The following RUFY3 variants were observed in gnomAD, a reference collection of about 807,000 sequenced individuals.
The protein encoded by RUFY3 is protein RUFY3.
RUFY3 carries 34 observed loss-of-function variants against 84.0 expected under a neutral mutation model. The observed-to-expected ratio is 0.40, with a 90% confidence interval of 0.31 to 0.54. RUFY3 has a LOEUF of 0.54. Ranked by LOEUF, RUFY3 falls within the 20% of genes least tolerant of loss-of-function variation. The pLI is 0.39. For missense variants in RUFY3, 507 were observed against 736.8 expected, an observed-to-expected ratio of 0.69 and a Z score of 3.61; for synonymous variants, 242 against 252.9, an observed-to-expected ratio of 0.96 and a Z score of 0.41.
At chr4:70,735,047 T>A (rs1164986259) in intron 1 of RUFY3, among the ~76,000 whole-genome samples, 1 of 152,220 alleles carries the variant, frequency 6.6e-6, no homozygotes, top group Non-Finnish European at 1.5e-5. Context: ...AGAAATGCTG[T>A]GCCAGAGAAG....
intron 1 of RUFY3, among the ~76,000 whole-genome samples, chr4:70,711,936 A>G (rs749511606): frequency 5.3e-5 from 8 of 152,132 alleles, no homozygotes; most frequent in Non-Finnish European, 1.0e-4. Flanking sequence ...TTTTTGTTGC[A>G]CCTATTCTTC....
intron 1 of RUFY3, among the ~76,000 whole-genome samples, chr4:70,732,224 G>A (rs1719388155): frequency 6.6e-6 from 1 of 152,166 alleles, no homozygotes; most frequent in Admixed American, 6.5e-5. Context: ...GTTTGAATAT[G>A]CTAGAAATCA....
At chr4:70,773,917 G>A (rs1439427528) in intron 6 of RUFY3, among the ~76,000 whole-genome samples, 1 of 152,100 alleles carries the variant, frequency 6.6e-6, no homozygotes, top group African/African-American at 2.4e-5. Context: ...CTTAAAATTG[G>A]CAATATGAAA....
chr4:70,794,731 C>A, intron 13 of RUFY3, 64 bp from the exon 14 acceptor site: 1 of 1,069,562 alleles, frequency 9.3e-7, no homozygotes, highest in Non-Finnish European at 1.4e-6. Context: ...GGTTGGCATT[C>A]TTTAGAGAAT....
intron 1 of RUFY3, among the ~76,000 whole-genome samples, chr4:70,729,708 A>T (rs2148608495): frequency 6.6e-6 from 1 of 152,326 alleles, no homozygotes; most frequent in South Asian, 2.1e-4. Context: ...CAGCAGTTTA[A>T]GCCGGATTCT....
chr4:70,705,980 G>C (rs1740295333), intron 1 of RUFY3, among the ~76,000 whole-genome samples: 1 of 152,192 alleles, frequency 6.6e-6, no homozygotes, highest in African/African-American at 2.4e-5. Context: ...CGGTTGTCGG[G>C]AAGAGGCCTC....
intron 9 of RUFY3, among the ~76,000 whole-genome samples, chr4:70,784,542 T>A (rs911623131): frequency 1.3e-5 from 2 of 152,162 alleles, no homozygotes; most frequent in Non-Finnish European, 2.9e-5. Context: ...TGCTATGTTA[T>A]TTTTAGAGGC....
intron 1 of RUFY3, among the ~76,000 whole-genome samples, chr4:70,739,990 CAAAAA>C (rs551882326): frequency 2.1e-5 from 1 of 47,692 alleles, no homozygotes; most frequent in Admixed American, 2.2e-4. Context: ...AACTCCGTCT[CAAAAA>C]AAAAAAAAAA....
At chr4:70,794,583 A>G (rs1260340569) in intron 13 of RUFY3, 1 of 518,376 alleles carries the variant, frequency 1.9e-6, no homozygotes, top group Non-Finnish European at 3.3e-6. Context: ...CCATCTCAAA[A>G]AAAGGTAGAG....
intron 8 of RUFY3, among the ~76,000 whole-genome samples, chr4:70,781,930 T>C (rs1042184208): frequency 8.5e-5 from 13 of 152,206 alleles, no homozygotes; most frequent in African/African-American, 2.7e-4. Context: ...CCTTACTTTT[T>C]CCTTCTAAGA....
At chr4:70,743,144 C>T (rs112819208) in intron 1 of RUFY3, among the ~76,000 whole-genome samples, 4,153 of 152,228 alleles carry the variant, frequency 0.027, 158 homozygotes, top group African/African-American at 0.081. Flanking sequence ...TCTCATCTCA[C>T]TGCAACTTCT....
intron 14 of RUFY3, among the ~76,000 whole-genome samples, chr4:70,797,036 G>A (rs1440215398): frequency 6.6e-6 from 1 of 151,464 alleles, no homozygotes; most frequent in Non-Finnish European, 1.5e-5. Context: ...GATTTCCCAG[G>A]CTCAGGTGAT....
chr4:70,787,288 T>C (rs1730062310), intron 10 of RUFY3, among the ~76,000 whole-genome samples: 1 of 146,808 alleles, frequency 6.8e-6, no homozygotes. Context: ...GATGGAGTCT[T>C]GCTCTGCCAC....
intron 17 of RUFY3, among the ~76,000 whole-genome samples, chr4:70,805,290 G>T (rs557372227): frequency 6.6e-6 from 1 of 152,314 alleles, no homozygotes; most frequent in Non-Finnish European, 1.5e-5. Flanking sequence ...ATCCTCAAGG[G>T]TGCCTGCCTG....
chr4:70,795,359 G>A (rs529971504), intron 14 of RUFY3, among the ~76,000 whole-genome samples: 133 of 152,032 alleles, frequency 8.7e-4, no homozygotes, highest in Non-Finnish European at 1.7e-3. Context: ...GGAACTTCTC[G>A]TGGGAATAAT....
chr4:70,736,151 T>G (rs2148629550), intron 1 of RUFY3, among the ~76,000 whole-genome samples: 1 of 119,736 alleles, frequency 8.4e-6, no homozygotes, highest in Middle Eastern at 5.0e-3. Flanking sequence ...AGACCCTGTC[T>G]CAAAAAAAAA....
At chr4:70,736,510 A>C (rs1720327033) in intron 1 of RUFY3, among the ~76,000 whole-genome samples, 1 of 152,038 alleles carries the variant, frequency 6.6e-6, no homozygotes, top group South Asian at 2.1e-4. Context: ...ATATGGGTAA[A>C]TTGAAATTTT....
intron 14 of RUFY3, chr4:70,799,877 T>C: frequency 2.9e-6 from 1 of 348,886 alleles, no homozygotes. Flanking sequence ...ACTTTGCAAG[T>C]AAGTAGAATA....
intron 1 of RUFY3, among the ~76,000 whole-genome samples, chr4:70,710,165 G>A (rs925236666): frequency 2.6e-5 from 4 of 152,150 alleles, no homozygotes; most frequent in African/African-American, 9.7e-5. Context: ...AGGAATTAGT[G>A]TTTAAGGGGA....
Sources: allele counts gnomAD v4.1 joint callset (sites outside exome capture counted in the v4.1 genomes callset), GRCh38; gene constraint gnomAD v4.1.1; transcripts MANE v1.5; gene names NCBI Gene and HGNC (gene_info 2026-07-23, HGNC 2026-07-21).